TPTE: variants seen among roughly 807,000 people sequenced by gnomAD.
The protein encoded by TPTE is putative tyrosine-protein phosphatase TPTE.
In TPTE, 59 loss-of-function variants were observed where a neutral mutation model predicts 84.1. The ratio of observed to expected loss-of-function variants is 0.70; its 90% CI spans 0.57 to 0.87. The LOEUF is 0.87. Among genes scored for constraint, TPTE ranks in the 40% least tolerant of loss-of-function variants. The pLI is 0.00. For synonymous variants in TPTE, 130 were observed against 223.5 expected, an observed-to-expected ratio of 0.58 and a Z score of 3.73; for missense variants, 382 against 659.6, an observed-to-expected ratio of 0.58 and a Z score of 4.61.
chr21:10,570,028 G>T (rs1243233644), intron 13 of TPTE, among the ~76,000 whole-genome samples: 2 of 152,308 alleles, frequency 1.3e-5, no homozygotes, highest in Admixed American at 6.5e-5. Context: ...TTATTTCTGA[G>T]TCCCAGGGAT....
At position 10,538,748 on chromosome 21, in the gene TPTE, A is replaced by G. The variant is rs2074313259; in HGVS notation, c.11+14A>G. ...TATGAATGAAAGGTGAGTTATGCGT[A>G]CGTGTGTCTTTATTTATCGAATTAT... On this transcript the variant is annotated intron_variant, in intron 4 of 23. Transcript: ENST00000618007. The G allele has an allele frequency of 1.9e-6, 3 of 1,614,074 alleles. No individual in the cohort carries two copies. Among genetic ancestry groups the G allele is most frequent in the Non-Finnish European group, 2.5e-6 (3 of 1,179,880 alleles).
At chr21:10,564,373 G>A (rs1436324180) in intron 10 of TPTE, among the ~76,000 whole-genome samples, 2 of 152,300 alleles carry the variant, frequency 1.3e-5, no homozygotes, top group African/African-American at 4.8e-5. Flanking sequence ...AGCTGGGTGT[G>A]GTGCCGGGCA....
chr21:10,539,649 G>C (rs113814878), intron 4 of TPTE, among the ~76,000 whole-genome samples: 3,685 of 150,836 alleles, frequency 0.024, 1 homozygote, highest in African/African-American at 0.087. Flanking sequence ...AGGGTAAATG[G>C]CATGGCAGAT....
intron 3 of TPTE, among the ~76,000 whole-genome samples, chr21:10,531,646 T>C (rs1460678769): frequency 4.6e-5 from 7 of 152,310 alleles, no homozygotes; most frequent in African/African-American, 1.7e-4. Context: ...ATTGAAGTTA[T>C]GTGCTCTAAT....
intron 10 of TPTE, among the ~76,000 whole-genome samples, chr21:10,565,130 A>C (rs1248213805): frequency 2.0e-5 from 3 of 152,312 alleles, no homozygotes; most frequent in Admixed American, 6.5e-5. Context: ...ACCAAAAAAA[A>C]CTATTAGAAT....
At chr21:10,540,684 T>C (rs1034531966) in intron 4 of TPTE, 1 of 519,268 alleles carries the variant, frequency 1.9e-6, no homozygotes. Context: ...AGCCCTTGCT[T>C]GAGGCCTCCA....
At chr21:10,591,543 G>A (rs1316199916) in intron 18 of TPTE, among the ~76,000 whole-genome samples, 1 of 152,276 alleles carries the variant, frequency 6.6e-6, no homozygotes, top group Non-Finnish European at 1.5e-5. Context: ...TTAAATATTG[G>A]TGTGTGTGTG....
chr21:10,540,756 G>A (rs776888073), intron 4 of TPTE: 42 of 521,008 alleles, frequency 8.1e-5, no homozygotes, highest in East Asian at 5.9e-4. Flanking sequence ...GTGAGGAGGT[G>A]ATTGGAGGTG....
intron 4 of TPTE, among the ~76,000 whole-genome samples, chr21:10,540,268 CAA>C (rs1302173436): frequency 3.9e-5 from 6 of 152,306 alleles, no homozygotes; most frequent in Admixed American, 6.5e-5. Context: ...TTCGTACACA[CAA>C]GAGAGACTGA....
chr21:10,542,491 CATAGAACTAT>C, intron 6 of TPTE, 43 bp downstream of exon 6: 1 of 1,601,276 alleles, frequency 6.2e-7, no homozygotes. Context: ...CATAAGTGTG[CATAGAACTAT>C]ACACACACAG....
rs1555819978 is a variant in TPTE at position 10,590,549 on chromosome 21, G to C, written c.1089+26G>C. ...GTATGAAAGATGTTCTACAAACTTTGTCTTAGGATGATTGAGTTTGCTAGT... is the reference window on the plus strand; with the variant it reads ...GTATGAAAGATGTTCTACAAACTTTCTCTTAGGATGATTGAGTTTGCTAGT... On this transcript the variant is annotated intron_variant, in intron 18 of 23. Transcript: ENST00000618007. 1.1e-5 allele frequency: 17 copies of C among 1,613,504 alleles called. No homozygotes were observed. In the Middle Eastern group the frequency reaches 1.7e-3, roughly 157 times the overall value.
chr21:10,580,316 T>C (rs1226912757), intron 17 of TPTE, among the ~76,000 whole-genome samples: 1 of 152,114 alleles, frequency 6.6e-6, no homozygotes, highest in Non-Finnish European at 1.5e-5. Context: ...GTCTCTTTAC[T>C]CTATAAATAT....
intron 21 of TPTE, 132 bp downstream of exon 21, chr21:10,598,226 A>G (rs1270395603): frequency 7.2e-7 from 1 of 1,392,302 alleles, no homozygotes; most frequent in African/African-American, 1.4e-5. Context: ...TTACCATCCA[A>G]CTTGGTGTCA....
intron 17 of TPTE, among the ~76,000 whole-genome samples, chr21:10,589,881 G>T (rs1442761996): frequency 6.6e-6 from 1 of 152,310 alleles, no homozygotes; most frequent in Non-Finnish European, 1.5e-5. Context: ...TTATGTACTT[G>T]CTTGCTATTT....
At chr21:10,536,406 A>G (rs1163528976) in intron 3 of TPTE, among the ~76,000 whole-genome samples, 2 of 152,430 alleles carry the variant, frequency 1.3e-5, no homozygotes, top group East Asian at 3.8e-4. Context: ...TGTGTGTCCA[A>G]CTATCTACTT....
chr21:10,541,785 G>A (rs1318211336), intron 5 of TPTE, among the ~76,000 whole-genome samples: 3 of 152,308 alleles, frequency 2.0e-5, no homozygotes, highest in Non-Finnish European at 4.4e-5. Context: ...CCAGGGAAGA[G>A]AGAATCCTGT....
At chr21:10,527,149 T>TCACACACACA (rs1277546815) in intron 2 of TPTE, among the ~76,000 whole-genome samples, 12 of 149,020 alleles carry the variant, frequency 8.1e-5, no homozygotes, top group Admixed American at 1.3e-4. Context: ...TCTCTCTCTC[T>TCACACACACA]CTCTCTCTCA....
At chr21:10,600,134 C>CT (rs2075661563) in intron 21 of TPTE, among the ~76,000 whole-genome samples, 1 of 144,472 alleles carries the variant, frequency 6.9e-6, no homozygotes. Flanking sequence ...CAATTTTTTT[C>CT]TTTTTCTTTT....
chr21:10,595,188 G>A (rs1440342102), intron 19 of TPTE, among the ~76,000 whole-genome samples: 2 of 152,306 alleles, frequency 1.3e-5, no homozygotes, highest in African/African-American at 4.8e-5. Flanking sequence ...GATTATAGGT[G>A]CCCATCACCA....
Sources: allele counts gnomAD v4.1 joint callset (sites outside exome capture counted in the v4.1 genomes callset), GRCh38; gene constraint gnomAD v4.1.1; transcripts MANE v1.5; gene names NCBI Gene and HGNC (gene_info 2026-07-23, HGNC 2026-07-21).